Variants in NTRK2 observed in about 807,000 individuals in gnomAD.
The protein encoded by NTRK2 is neurotrophic receptor tyrosine kinase 2.
Under a neutral mutation model 94.5 loss-of-function variants are expected in NTRK2, and 13 were observed. The observed-to-expected ratio is 0.14, with a 90% CI of 0.09 to 0.22. The LOEUF (loss-of-function observed/expected upper bound fraction) is 0.22. Among genes scored for constraint, NTRK2 ranks in the 10% least tolerant of loss-of-function variants. The probability of loss-of-function intolerance (pLI) is 1.00; values close to 1 mark genes in which losing one functional copy is unlikely to be tolerated. For missense variants in NTRK2, 639 were observed against 1,071.2 expected, an observed-to-expected ratio of 0.60 and a Z score of 5.63; for synonymous variants, 372 against 407.4, an observed-to-expected ratio of 0.91 and a Z score of 1.05.
chr9:84,791,615 A>T (rs2133211165), intron 12 of NTRK2, among the ~76,000 whole-genome samples: 1 of 152,258 alleles, frequency 6.6e-6, no homozygotes, highest in South Asian at 2.1e-4. Context: ...ATTTTGAAAT[A>T]TTTTCTTGAC....
At chr9:84,863,782 C>T (rs2075440098) in intron 13 of NTRK2, among the ~76,000 whole-genome samples, 1 of 152,166 alleles carries the variant, frequency 6.6e-6, no homozygotes, top group South Asian at 2.1e-4. Flanking sequence ...TTAATATCCC[C>T]CTTGATGAAT....
intron 12 of NTRK2, among the ~76,000 whole-genome samples, chr9:84,829,827 G>C (rs1027755743): frequency 5.9e-5 from 9 of 152,158 alleles, no homozygotes; most frequent in African/African-American, 1.9e-4. Flanking sequence ...CTTTTGTATT[G>C]AGAACTCCTG....
intron 14 of NTRK2, among the ~76,000 whole-genome samples, chr9:84,891,486 A>G (rs1407619457): frequency 6.6e-6 from 1 of 152,174 alleles, no homozygotes; most frequent in Non-Finnish European, 1.5e-5. Context: ...CCAAATAGTC[A>G]AGTAAAACGA....
chr9:84,723,921 G>T (rs548347625), intron 7 of NTRK2, among the ~76,000 whole-genome samples: 3 of 152,174 alleles, frequency 2.0e-5, no homozygotes, highest in African/African-American at 7.2e-5. Context: ...CTAAGAGAGC[G>T]AGGAGTCTCT....
chr9:85,026,139 AATAT>A lies in NTRK2; in HGVS notation c.*4715_*4718del, dbSNP rs1554790210. 1 of 197,084 alleles carries A rather than the reference AATAT, an allele frequency of 5.1e-6. No homozygotes were observed. Among genetic ancestry groups the A allele is most frequent in the Non-Finnish European group, 1.0e-5 (1 of 97,178 alleles). The allele number at this position is 197,084 out of a possible 1,614,324, so 12.2% of individuals were successfully genotyped here. On this transcript the variant is annotated 3_prime_UTR_variant, in exon 19 of 19. Transcript: ENST00000277120. ...AAACACAAAGCAAAGCAAAAAAAAA[AATAT>A]ATATATATATATCTGTATATGTGTT...
At chr9:84,813,266 T>A (rs2072017875) in intron 12 of NTRK2, 2 of 1,038,298 alleles carry the variant, frequency 1.9e-6, no homozygotes, top group Admixed American at 5.5e-5. Context: ...CGCAGCCAAC[T>A]GTGTCCCACA....
At chr9:84,732,726 G>C (rs1340595720) in intron 9 of NTRK2, among the ~76,000 whole-genome samples, 1 of 152,188 alleles carries the variant, frequency 6.6e-6, no homozygotes, top group Non-Finnish European at 1.5e-5. Flanking sequence ...CAGGTGAAAG[G>C]GGGTGGAGAA....
intron 17 of NTRK2, among the ~76,000 whole-genome samples, chr9:84,997,891 C>T (rs1403561618): frequency 6.6e-6 from 1 of 152,158 alleles, no homozygotes; most frequent in Non-Finnish European, 1.5e-5. Context: ...TGCCTCAGAG[C>T]CTCTTGGCTC....
At chr9:84,877,595 G>A in intron 14 of NTRK2, 2 of 1,065,962 alleles carry the variant, frequency 1.9e-6, no homozygotes, top group Non-Finnish European at 2.3e-6. Context: ...GCCTGCTGCT[G>A]CTGCACCATG....
intron 12 of NTRK2, among the ~76,000 whole-genome samples, chr9:84,800,583 GC>G (rs2070302345): frequency 6.6e-6 from 1 of 152,168 alleles, no homozygotes; most frequent in Admixed American, 6.5e-5. Context: ...AAGGATAGAG[GC>G]AAACCCCTTT....
intron 12 of NTRK2, among the ~76,000 whole-genome samples, chr9:84,791,886 AAAC>A (rs2068774512): frequency 1.3e-5 from 2 of 152,206 alleles, no homozygotes; most frequent in Non-Finnish European, 2.9e-5. Flanking sequence ...GAATATGGTA[AAAC>A]AACAAGAGAT....
At chr9:84,806,935 A>G (rs1326582100) in intron 12 of NTRK2, among the ~76,000 whole-genome samples, 3 of 152,248 alleles carry the variant, frequency 2.0e-5, no homozygotes, top group African/African-American at 4.8e-5. Flanking sequence ...TTGCTTTCCA[A>G]TGAAGGTGAG....
At chr9:84,806,486 A>C (rs554121968) in intron 12 of NTRK2, among the ~76,000 whole-genome samples, 3 of 152,204 alleles carry the variant, frequency 2.0e-5, no homozygotes, top group Non-Finnish European at 2.9e-5. Context: ...ACCAGGACCA[A>C]GACCAGGACC....
intron 12 of NTRK2, among the ~76,000 whole-genome samples, chr9:84,775,461 A>G (rs528543831): frequency 6.6e-6 from 1 of 152,126 alleles, no homozygotes; most frequent in Non-Finnish European, 1.5e-5. Context: ...AACCATAAAG[A>G]TTGTAATTTG....
intron 17 of NTRK2, among the ~76,000 whole-genome samples, chr9:84,992,855 C>G (rs1367749820): frequency 6.6e-6 from 1 of 151,722 alleles, no homozygotes; most frequent in Admixed American, 6.6e-5. Context: ...TCTGTGGACT[C>G]TCCTGGCAAC....
At chr9:85,001,325 T>A (rs919831014) in intron 17 of NTRK2, among the ~76,000 whole-genome samples, 10 of 152,184 alleles carry the variant, frequency 6.6e-5, no homozygotes, top group Admixed American at 6.5e-4. Flanking sequence ...AGGCTAAAAG[T>A]AGACATTTTC....
At chr9:84,789,568 G>C (rs2068510456) in intron 12 of NTRK2, among the ~76,000 whole-genome samples, 1 of 152,172 alleles carries the variant, frequency 6.6e-6, no homozygotes, top group Non-Finnish European at 1.5e-5. Context: ...CAGCTTCCTT[G>C]GGGAAGCTGA....
chr9:84,840,344 G>T (rs1442876842), intron 12 of NTRK2, among the ~76,000 whole-genome samples: 1 of 144,248 alleles, frequency 6.9e-6, no homozygotes, highest in East Asian at 2.0e-4. Flanking sequence ...TTCTGTGGTC[G>T]CTGGTTATAA....
At chr9:84,756,584 A>G (rs916784193) in intron 12 of NTRK2, among the ~76,000 whole-genome samples, 8 of 152,230 alleles carry the variant, frequency 5.3e-5, no homozygotes, top group Non-Finnish European at 8.8e-5. Flanking sequence ...CACATATGAT[A>G]TCTAATTCCT....
Sources: gnomAD v4.1 joint callset for allele counts (sites outside exome capture counted in the v4.1 genomes callset) on GRCh38, gnomAD v4.1.1 for gene constraint, MANE v1.5 for transcripts, NCBI Gene and HGNC (gene_info 2026-07-23, HGNC 2026-07-21) for gene names.